Variants in AKIRIN2 observed in about 807,000 individuals in gnomAD.
The protein encoded by AKIRIN2 is akirin-2.
A neutral mutation model predicts 29.3 loss-of-function variants in AKIRIN2; 6 were observed. The ratio of observed to expected loss-of-function variants is 0.20; its 90% CI spans 0.11 to 0.40. The LOEUF is 0.40. AKIRIN2 is among the 10% of genes least tolerant of loss of function. The pLI, the probability that AKIRIN2 is intolerant of heterozygous loss-of-function variation, is 1.00. For missense variants in AKIRIN2, 210 were observed against 276.1 expected, an observed-to-expected ratio of 0.76 and a Z score of 1.70; for synonymous variants, 128 against 117.5, an observed-to-expected ratio of 1.09 and a Z score of -0.58.
intron 2 of AKIRIN2, among the ~76,000 whole-genome samples, chr6:87,679,834 G>A: frequency 6.6e-6 from 1 of 152,298 alleles, no homozygotes; most frequent in South Asian, 2.1e-4. Flanking sequence ...ACTGCTAAAA[G>A]TATTTTATAC....
chr6:87,693,193 CA>C (rs1251845664), intron 1 of AKIRIN2, among the ~76,000 whole-genome samples: 7 of 152,168 alleles, frequency 4.6e-5, no homozygotes, highest in Admixed American at 6.5e-5. Context: ...TGCGCCACTG[CA>C]CTCCAACCTG....
At chr6:87,697,030 C>T (rs995962412) in intron 1 of AKIRIN2, among the ~76,000 whole-genome samples, 1 of 151,326 alleles carries the variant, frequency 6.6e-6, no homozygotes, top group Admixed American at 6.6e-5. Context: ...AAAAAAAAGC[C>T]GGCGGCACAG....
At chr6:87,696,874 T>G (rs1444307203) in intron 1 of AKIRIN2, among the ~76,000 whole-genome samples, 1 of 148,718 alleles carries the variant, frequency 6.7e-6, no homozygotes, top group Non-Finnish European at 1.5e-5. Flanking sequence ...GGCGTGGTGG[T>G]GTGCGCCTGT....
chr6:87,699,344 A>AAAT (rs1771421598), intron 1 of AKIRIN2, among the ~76,000 whole-genome samples: 1 of 152,240 alleles, frequency 6.6e-6, no homozygotes, highest in Non-Finnish European at 1.5e-5. Context: ...AATTACATTT[A>AAAT]GAATGTCATT....
intron 2 of AKIRIN2, among the ~76,000 whole-genome samples, chr6:87,679,308 G>A (rs1749251331): frequency 6.6e-6 from 1 of 152,072 alleles, no homozygotes; most frequent in Non-Finnish European, 1.5e-5. Context: ...CGAAGCAGGT[G>A]GAACCCTTGA....
chr6:87,701,740 G>T lies in AKIRIN2; in HGVS notation c.-56C>A. The T allele has an allele frequency of 7.8e-7, 1 of 1,274,746 alleles. No individual in the cohort carries two copies. The highest frequency in any genetic ancestry group is 1.0e-6 in the Non-Finnish European group (1 of 966,044). 79.0% of individuals were successfully genotyped at this position (1,274,746 alleles called of 1,614,324 possible). On this transcript the variant is annotated 5_prime_UTR_variant, in exon 1 of 5. Coordinates refer to ENST00000257787, the MANE Select transcript of AKIRIN2 (RefSeq NM_018064.4). ...GTGGGGTCGGGGACGGGTGACGAAA[G>T]AAGAGGGTGAGGGAAGGGGTGAAGA...
At position 87,701,933 on chromosome 6, in the gene AKIRIN2, C is replaced by A. The variant is rs1582128968; in HGVS notation, c.-249G>T. 7.3e-6 allele frequency: 3 copies of A among 410,786 alleles called. No individual in the cohort carries two copies. The East Asian group carries it at 1.1e-4, about 15-fold the overall frequency. The allele number at this position is 410,786 out of a possible 1,614,324, so 25.4% of individuals were successfully genotyped here. On this transcript the variant is annotated 5_prime_UTR_variant, in exon 1 of 5. Transcript: ENST00000257787. Reference sequence around the variant, plus strand: ...GGCGGTGGCGGGCAGAAGCACACGCCAGTCGCGTCAGGGGGGTTCTTCCGC... The same window carrying A: ...GGCGGTGGCGGGCAGAAGCACACGCAAGTCGCGTCAGGGGGGTTCTTCCGC...
At chr6:87,699,592 C>CA (rs148513766) in intron 1 of AKIRIN2, among the ~76,000 whole-genome samples, 4,767 of 152,132 alleles carry the variant, frequency 0.031, 249 homozygotes, top group African/African-American at 0.11. Flanking sequence ...ATGTGAATCT[C>CA]AATCAGCTGG....
chr6:87,680,569 C>A (rs1771103620), intron 2 of AKIRIN2, among the ~76,000 whole-genome samples: 1 of 151,790 alleles, frequency 6.6e-6, no homozygotes. Context: ...CCGCGCCCAG[C>A]CGCAAATTTT....
chr6:87,679,054 G>A (rs1396710303), intron 2 of AKIRIN2, among the ~76,000 whole-genome samples: 3 of 149,586 alleles, frequency 2.0e-5, no homozygotes, highest in Non-Finnish European at 4.4e-5. Flanking sequence ...AGAATCGCTT[G>A]AACACAGGAG....
intron 3 of AKIRIN2, among the ~76,000 whole-genome samples, chr6:87,676,447 CAA>C (rs71021319): frequency 0.031 from 1,302 of 41,856 alleles, 24 homozygotes; most frequent in African/African-American, 0.12. Flanking sequence ...GCCTGGGCAA[CAA>C]AAAAAAAAAA....
chr6:87,686,754 GA>G (rs1303984337), intron 1 of AKIRIN2, among the ~76,000 whole-genome samples: 1 of 152,070 alleles, frequency 6.6e-6, no homozygotes, highest in Non-Finnish European at 1.5e-5. Context: ...AATTGAAAAA[GA>G]AATCTTGTGG....
intron 4 of AKIRIN2, 80 bp from the exon 5 acceptor site, chr6:87,675,687 G>GC (rs1770959831): frequency 6.4e-7 from 1 of 1,566,962 alleles, no homozygotes; most frequent in Admixed American, 1.8e-5. Flanking sequence ...TCCCAATTTT[G>GC]CCCCTAGGTA....
intron 1 of AKIRIN2, among the ~76,000 whole-genome samples, chr6:87,699,598 G>C (rs112627616): frequency 1.3e-5 from 2 of 152,060 alleles, no homozygotes; most frequent in African/African-American, 2.4e-5. Flanking sequence ...ATCTCAATCA[G>C]CTGGCTTAAA....
At chr6:87,690,190 C>T (rs1394978579) in intron 1 of AKIRIN2, among the ~76,000 whole-genome samples, 2 of 142,994 alleles carry the variant, frequency 1.4e-5, no homozygotes, top group Admixed American at 7.1e-5. Flanking sequence ...TGGGCAACAA[C>T]AGCGAAACTC....
intron 1 of AKIRIN2, among the ~76,000 whole-genome samples, chr6:87,683,469 C>A (rs1376715882): frequency 6.6e-6 from 1 of 152,108 alleles, no homozygotes. Context: ...ATTAAATTAT[C>A]AGTGTTGGCA....
At chr6:87,690,084 G>A (rs1252993010) in intron 1 of AKIRIN2, among the ~76,000 whole-genome samples, 1 of 151,900 alleles carries the variant, frequency 6.6e-6, no homozygotes, top group Non-Finnish European at 1.5e-5. Flanking sequence ...ATGGTGGCAG[G>A]AGCCTGTAAT....
At chr6:87,701,208 G>C (rs961479216) in intron 1 of AKIRIN2, among the ~76,000 whole-genome samples, 12 of 151,976 alleles carry the variant, frequency 7.9e-5, no homozygotes, top group Non-Finnish European at 1.5e-4. Flanking sequence ...TACCCAATAC[G>C]GGCAAGGCAA....
intron 2 of AKIRIN2, among the ~76,000 whole-genome samples, chr6:87,679,759 T>G (rs977310178): frequency 2.0e-5 from 3 of 152,236 alleles, no homozygotes; most frequent in Non-Finnish European, 1.5e-5. Context: ...TTCAGCATTT[T>G]TATACCTATT....
Sources: gnomAD v4.1 joint callset for allele counts (sites outside exome capture counted in the v4.1 genomes callset) on GRCh38, gnomAD v4.1.1 for gene constraint, MANE v1.5 for transcripts, NCBI Gene and HGNC (gene_info 2026-07-23, HGNC 2026-07-21) for gene names.